The following MED17 variants were observed in gnomAD, a reference collection of about 807,000 sequenced individuals.
MED17 encodes the protein mediator of RNA polymerase II transcription subunit 17.
A neutral mutation model predicts 80.8 loss-of-function variants in MED17; 49 were observed. The observed-to-expected ratio is 0.61, with a 90% CI of 0.48 to 0.77. The LOEUF is 0.77. Ranked by LOEUF, MED17 falls within the 30% of genes least tolerant of loss-of-function variation. The pLI, the probability that MED17 is intolerant of heterozygous loss-of-function variation, is 0.00. For missense variants in MED17, 718 were observed against 787.0 expected (o/e 0.91, Z 1.05); for synonymous variants, 281 against 280.4 (o/e 1.00, Z -0.02).
chr11:93,799,807 T>C (rs1438325183), intron 8 of MED17, among the ~76,000 whole-genome samples: 1 of 152,176 alleles, frequency 6.6e-6, no homozygotes, highest in Non-Finnish European at 1.5e-5. Context: ...ATGTGTATGA[T>C]AACATGCACA....
At chr11:93,793,612 G>A (rs1313663946) in intron 3 of MED17, 116 bp from the exon 4 acceptor site, 1 of 769,996 alleles carries the variant, frequency 1.3e-6, no homozygotes. Flanking sequence ...ATGTTTTTTA[G>A]TGGGGACTTA....
intron 10 of MED17, chr11:93,809,394 C>T: frequency 2.6e-6 from 1 of 387,090 alleles, no homozygotes; most frequent in South Asian, 2.1e-5. Flanking sequence ...ATAAGGTAGG[C>T]AGTGGATTTG....
chr11:93,790,155 T>C (rs1329287057), intron 2 of MED17: 5 of 265,878 alleles, frequency 1.9e-5, no homozygotes, highest in Admixed American at 9.6e-5. Flanking sequence ...ATATAGTGAT[T>C]TCTGCCATCA....
intron 6 of MED17, 142 bp from the exon 7 acceptor site, chr11:93,796,268 T>A: frequency 1.2e-6 from 1 of 862,646 alleles, no homozygotes; most frequent in Non-Finnish European, 1.8e-6. Context: ...AATCTTGATA[T>A]ACAGATGTTA....
rs199746704 is a variant in MED17, at chr11:93,812,417, C to CT, written c.*360dup. ...GTGGTTTAAAAAAATCTCCAAATAC[C>CT]TTTTTTTCCCCCCAAATACTTTCTA... is the stretch of plus-strand genomic sequence containing the variant. On this transcript the variant is annotated 3_prime_UTR_variant, in exon 12 of 12. Coordinates refer to ENST00000251871, the MANE Select transcript of MED17 (RefSeq NM_004268.5). 1.7e-5 allele frequency: 8 copies of CT among 479,406 alleles called. No individual in the cohort carries two copies. Among genetic ancestry groups the CT allele is most frequent in the African/African-American group, 2.0e-5 (1 of 49,728 alleles). 29.7% of individuals were successfully genotyped at this position (479,406 alleles called of 1,614,324 possible). A position where few individuals can be genotyped will look rare whatever the true frequency, so the allele number is the denominator to read the frequency against.
At position 93,812,800 on chromosome 11, in the gene MED17, A is replaced by G. The variant is rs1784344699; in HGVS notation, c.*736A>G. ...CTTTAAGCTTTCCTGGGTCTAACCT[A>G]CATAGGTAATTTAAGAACATCCTCA... is the stretch of plus-strand genomic sequence containing the variant. On this transcript the variant is annotated 3_prime_UTR_variant, in exon 12 of 12. Transcript: ENST00000251871. The G allele has an allele frequency of 6.6e-6, 1 of 152,296 alleles. No individual in the cohort carries two copies. The highest frequency in any genetic ancestry group is 6.5e-5 in the Admixed American group (1 of 15,276). 9.4% of individuals were successfully genotyped at this position (152,296 alleles called of 1,614,324 possible).
chr11:93,804,109 C>CA (rs897734044), intron 9 of MED17, among the ~76,000 whole-genome samples: 9 of 151,260 alleles, frequency 6.0e-5, no homozygotes. Flanking sequence ...GAAGGTCCCA[C>CA]AATAGGCCAT....
chr11:93,801,801 C>A (rs1943964778), intron 8 of MED17, 34 bp from the exon 9 acceptor site: 10 of 1,602,216 alleles, frequency 6.2e-6, no homozygotes, highest in Non-Finnish European at 8.5e-6. Flanking sequence ...TGTATGGTGA[C>A]TTAAAAAGTT....
chr11:93,796,242 C>T (rs1943899929), intron 6 of MED17, 168 bp from the exon 7 acceptor site: 1 of 689,482 alleles, frequency 1.5e-6, no homozygotes, highest in Non-Finnish European at 2.4e-6. Flanking sequence ...TGAGCCACCG[C>T]ACCCGGCCAA....
intron 11 of MED17, chr11:93,811,623 T>TTA: frequency 3.6e-6 from 2 of 548,054 alleles, no homozygotes; most frequent in Non-Finnish European, 6.5e-6. Flanking sequence ...CTCACCTTGC[T>TTA]TAATCTTTGT....
intron 2 of MED17, among the ~76,000 whole-genome samples, chr11:93,789,986 T>C (rs1052227646): frequency 6.6e-6 from 1 of 152,150 alleles, no homozygotes; most frequent in Non-Finnish European, 1.5e-5. Context: ...GCTGTGTGAT[T>C]TTAGTCCTAA....
intron 5 of MED17, chr11:93,794,663 C>CT (rs2135713647): frequency 1.8e-6 from 1 of 560,094 alleles, no homozygotes; most frequent in Non-Finnish European, 3.2e-6. Context: ...GGAATTTAAA[C>CT]TTTCCTCTTC....
chr11:93,791,275 A>G (rs925185605), intron 3 of MED17, among the ~76,000 whole-genome samples: 5 of 152,246 alleles, frequency 3.3e-5, no homozygotes, highest in African/African-American at 1.2e-4. Flanking sequence ...TTCTATTTCA[A>G]AACCTTTTAG....
intron 5 of MED17, 23 bp downstream of exon 5, chr11:93,794,058 A>G (rs750373002): frequency 1.3e-6 from 2 of 1,567,128 alleles, no homozygotes; most frequent in Non-Finnish European, 1.8e-6. Flanking sequence ...TCTATTCTCT[A>G]ATTTCTGGTC....
At chr11:93,794,766 A>G (rs1943882737) in intron 5 of MED17, 142 bp from the exon 6 acceptor site, 3 of 901,190 alleles carry the variant, frequency 3.3e-6, no homozygotes, top group Admixed American at 2.3e-5. Context: ...GACAGTCTCT[A>G]TAGAGACTGA....
intron 9 of MED17, among the ~76,000 whole-genome samples, chr11:93,802,774 G>A (rs568929235): frequency 8.1e-4 from 124 of 152,266 alleles, no homozygotes; most frequent in African/African-American, 2.9e-3. Flanking sequence ...CCTAAAAACT[G>A]GGTTGATAAC....
intron 9 of MED17, among the ~76,000 whole-genome samples, chr11:93,804,032 C>G (rs1001123535): frequency 4.3e-5 from 1 of 23,372 alleles, no homozygotes; most frequent in African/African-American, 9.9e-5. Context: ...TATATACACA[C>G]ACACATATAC....
rs751313909 is a variant in MED17 at position 93,794,986 on chromosome 11, G to A, written c.938G>A (p.Arg313Gln). 5.1e-5 allele frequency: 82 copies of A among 1,613,906 alleles called. No homozygotes were observed. The highest frequency in any genetic ancestry group is 6.6e-5 in the Non-Finnish European group (78 of 1,179,956). ...LCKEIFAQLS[R>Q]EAVQIKSQVP... Reference sequence around the variant, plus strand: ...AAAGAAATTTTTGCACAGCTCTCTCGGGAAGCTGTTCAAATTAAATCACAA... The same window carrying A: ...AAAGAAATTTTTGCACAGCTCTCTCAGGAAGCTGTTCAAATTAAATCACAA... Residue 313 changes from arginine (R) to glutamine (Q), a missense_variant, in exon 6 of 12, where the codon CGG (arginine) becomes CAG (glutamine). Physicochemically the swap from Arg to Gln is conservative, Grantham distance 43. Transcript: ENST00000251871.
intron 3 of MED17, among the ~76,000 whole-genome samples, chr11:93,791,376 A>G (rs1943834679): frequency 6.6e-6 from 1 of 152,158 alleles, no homozygotes; most frequent in Non-Finnish European, 1.5e-5. Flanking sequence ...AGGTAGAACT[A>G]CACTCCTCAA....
Sources: gnomAD v4.1 joint callset for allele counts (sites outside exome capture counted in the v4.1 genomes callset) on GRCh38, gnomAD v4.1.1 for gene constraint, MANE v1.5 for transcripts, NCBI Gene and HGNC (gene_info 2026-07-23, HGNC 2026-07-21) for gene names.